SGCD: variants seen among roughly 807,000 people sequenced by gnomAD.
SGCD encodes delta-sarcoglycan.
A neutral mutation model predicts 36.6 loss-of-function variants in SGCD; 18 were observed. The observed-to-expected ratio is 0.49, with a 90% CI of 0.34 to 0.73. SGCD has a LOEUF of 0.73. SGCD is among the 30% of genes least tolerant of loss of function. The probability of loss-of-function intolerance (pLI) is 0.01; values close to 1 mark genes in which losing one functional copy is unlikely to be tolerated. For missense variants in SGCD, 387 were observed against 346.7 expected, an observed-to-expected ratio of 1.12 and a Z score of -0.92; for synonymous variants, 133 against 130.6, an observed-to-expected ratio of 1.02 and a Z score of -0.12.
chr5:155,811,936 T>C, the SGCD span, among the ~76,000 whole-genome samples: 1 of 151,640 alleles, frequency 6.6e-6, no homozygotes, highest in Non-Finnish European at 1.5e-5. Context: ...AAGTACAGTA[T>C]ACAGAGATTA....
intron 7 of SGCD, among the ~76,000 whole-genome samples, chr5:156,717,286 T>C (rs1755269128): frequency 6.6e-6 from 1 of 152,162 alleles, no homozygotes; most frequent in Non-Finnish European, 1.5e-5. Flanking sequence ...GGAGATAAGA[T>C]CTAGCTTTCT....
At chr5:155,742,346 A>G in the SGCD span, among the ~76,000 whole-genome samples, 1 of 152,116 alleles carries the variant, frequency 6.6e-6, no homozygotes, top group Non-Finnish European at 1.5e-5. Flanking sequence ...ATCATTTTTG[A>G]TCAAGGACCT....
intron 3 of SGCD, among the ~76,000 whole-genome samples, chr5:156,410,389 G>A (rs986713327): frequency 6.6e-6 from 1 of 152,132 alleles, no homozygotes; most frequent in African/African-American, 2.4e-5. Flanking sequence ...CTACTGGGGA[G>A]GGGGGCAAGG....
chr5:156,248,765 G>A (rs1052170693), intron 3 of SGCD, among the ~76,000 whole-genome samples: 6 of 152,202 alleles, frequency 3.9e-5, no homozygotes, highest in Admixed American at 2.6e-4. Context: ...GGCAATGCAA[G>A]TTCCTGAGCA....
chr5:156,378,994 G>A (rs560524142), intron 3 of SGCD, among the ~76,000 whole-genome samples: 11 of 152,176 alleles, frequency 7.2e-5, no homozygotes, highest in African/African-American at 2.6e-4. Context: ...TGTGCTAAAT[G>A]TTTGCATCTA....
intron 3 of SGCD, among the ~76,000 whole-genome samples, chr5:156,372,793 G>A (rs1157793907): frequency 3.3e-5 from 5 of 152,106 alleles, no homozygotes; most frequent in Non-Finnish European, 5.9e-5. Context: ...ATTCCTTTCA[G>A]CTTGCTGCTA....
At chr5:156,507,960 G>A (rs256825) in intron 3 of SGCD, among the ~76,000 whole-genome samples, 86,111 of 151,972 alleles carry the variant, frequency 0.57, 24,559 homozygotes, top group Non-Finnish European at 0.59. Flanking sequence ...GTGTGGTAAT[G>A]GGATTATTGT....
At chr5:156,375,721 A>G (rs1193415766) in intron 3 of SGCD, among the ~76,000 whole-genome samples, 2 of 152,328 alleles carry the variant, frequency 1.3e-5, no homozygotes, top group African/African-American at 2.4e-5. Flanking sequence ...TTATAAAAGC[A>G]TCTGAACGTT....
intron 3 of SGCD, among the ~76,000 whole-genome samples, chr5:156,413,087 G>A (rs557681619): frequency 2.0e-4 from 31 of 152,030 alleles, no homozygotes; most frequent in African/African-American, 2.9e-4. Flanking sequence ...GTGAGCCACC[G>A]CGCCCGGCCG....
chr5:156,214,191 T>C (rs1764519035), intron 3 of SGCD, among the ~76,000 whole-genome samples: 1 of 151,948 alleles, frequency 6.6e-6, no homozygotes, highest in African/African-American at 2.4e-5. Flanking sequence ...ATCAGGATCT[T>C]AATACACAGA....
chr5:156,011,480 G>A (rs934324616), intron 1 of SGCD, among the ~76,000 whole-genome samples: 1 of 151,416 alleles, frequency 6.6e-6, no homozygotes, highest in Admixed American at 6.6e-5. Context: ...TCGGTCTGTT[G>A]CCCAGGCTGG....
At chr5:156,136,828 C>T (rs575633844) in intron 3 of SGCD, among the ~76,000 whole-genome samples, 8 of 152,010 alleles carry the variant, frequency 5.3e-5, no homozygotes, top group Non-Finnish European at 1.2e-4. Context: ...ATGGTTAAAC[C>T]CCAAGTGGCA....
At chr5:155,891,298 T>C (rs1465821620) in intron 1 of SGCD, among the ~76,000 whole-genome samples, 4 of 152,158 alleles carry the variant, frequency 2.6e-5, no homozygotes, top group Non-Finnish European at 5.9e-5. Flanking sequence ...TCAAGTTCCT[T>C]GTGGCTAAAA....
chr5:156,143,724 T>C (rs1289504082), intron 3 of SGCD, among the ~76,000 whole-genome samples: 2 of 152,192 alleles, frequency 1.3e-5, no homozygotes, highest in Non-Finnish European at 2.9e-5. Flanking sequence ...CTCATTCTTT[T>C]CTTTTTTTTG....
chr5:156,452,209 C>G (rs1310223653), intron 3 of SGCD, among the ~76,000 whole-genome samples: 1 of 152,164 alleles, frequency 6.6e-6, no homozygotes, highest in African/African-American at 2.4e-5. Context: ...CACTTCCAAT[C>G]ACTGCTTATT....
At chr5:156,736,117 G>A (rs955800180) in intron 7 of SGCD, among the ~76,000 whole-genome samples, 5 of 152,122 alleles carry the variant, frequency 3.3e-5, no homozygotes, top group African/African-American at 9.7e-5. Flanking sequence ...TCTGTGGGTC[G>A]AGTTGTTTCC....
chr5:156,217,811 AT>A (rs1021396928), intron 3 of SGCD, among the ~76,000 whole-genome samples: 10 of 152,142 alleles, frequency 6.6e-5, no homozygotes, highest in African/African-American at 2.4e-4. Context: ...GTATGTATGT[AT>A]GTATATATAT....
chr5:156,719,869 C>T (rs998807156), intron 7 of SGCD, among the ~76,000 whole-genome samples: 1 of 151,700 alleles, frequency 6.6e-6, no homozygotes, highest in Non-Finnish European at 1.5e-5. Flanking sequence ...GTTTCCAAAC[C>T]CCAATGTAGA....
At chr5:156,110,204 C>T (rs1761750121) in intron 1 of SGCD, among the ~76,000 whole-genome samples, 1 of 152,090 alleles carries the variant, frequency 6.6e-6, no homozygotes, top group Non-Finnish European at 1.5e-5. Context: ...ATTGTTTCTC[C>T]CATGTGTGAG....
Sources: gnomAD v4.1 joint callset for allele counts (sites outside exome capture counted in the v4.1 genomes callset) on GRCh38, gnomAD v4.1.1 for gene constraint, MANE v1.5 for transcripts, NCBI Gene and HGNC (gene_info 2026-07-23, HGNC 2026-07-21) for gene names.